The following PRKG1 variants were observed in gnomAD, a reference collection of about 807,000 sequenced individuals.
The protein encoded by PRKG1 is cGMP-dependent protein kinase 1.
A neutral mutation model predicts 88.1 loss-of-function variants in PRKG1; 35 were observed. The observed-to-expected ratio is 0.40, with a 90% CI of 0.30 to 0.53. PRKG1 has a LOEUF of 0.53. PRKG1 is among the 20% of genes least tolerant of loss of function. PRKG1 has a pLI of 0.59. For missense variants in PRKG1, 540 were observed against 839.8 expected, an observed-to-expected ratio of 0.64 and a Z score of 4.41; for synonymous variants, 303 against 292.5, an observed-to-expected ratio of 1.04 and a Z score of -0.37.
rs191160184 is a variant in PRKG1 at position 52,129,460 on chromosome 10, C to A, written c.936-4380C>A. ...ATGAGAGATTAATACATGTCATATA[C>A]TAATGTCAAGGATTAATATATATGT... On this transcript the variant is annotated intron_variant, in intron 7 of 17. Transcript: ENST00000373980. Among the ~76,000 whole-genome samples, 134 of 152,206 alleles carry A rather than the reference C, an allele frequency of 8.8e-4. 1 individual carries two copies. The highest frequency in any genetic ancestry group is 3.2e-3 in the African/African-American group (133 of 41,520).
At chr10:51,632,941 T>A (rs1388386294) in intron 3 of PRKG1, among the ~76,000 whole-genome samples, 1 of 152,196 alleles carries the variant, frequency 6.6e-6, no homozygotes, top group Non-Finnish European at 1.5e-5. Flanking sequence ...CAAACTCTTA[T>A]CAGCCTCTAT....
intron 3 of PRKG1, among the ~76,000 whole-genome samples, chr10:51,628,006 CTCTCTTTCTTTCTTTCTT>C (rs1178344936): frequency 1.9e-5 from 1 of 51,628 alleles, no homozygotes. Context: ...CTCTCTCTCT[CTCTCTTTCTTTCTTTCTT>C]TCTTTCTTTC....
intron 2 of PRKG1, among the ~76,000 whole-genome samples, chr10:51,358,420 A>T (rs754184204): frequency 1.3e-5 from 2 of 151,942 alleles, no homozygotes; most frequent in Non-Finnish European, 2.9e-5. Context: ...CTCAAGTGTC[A>T]AGGAATGACA....
At position 52,205,045 on chromosome 10, in the gene PRKG1, A is replaced by T. The variant is rs6480761; in HGVS notation, c.1076+43082A>T. Among the ~76,000 whole-genome samples, 9 of 151,888 alleles carry T rather than the reference A, an allele frequency of 5.9e-5. No homozygotes were observed. The South Asian group carries it at 1.7e-3, about 28-fold the overall frequency. ...TGCCCTGGGAGTGTCTGCCTTATGC[A>T]GATGTAGATAGGGATGAAACACGCC... is the stretch of plus-strand genomic sequence containing the variant. On this transcript the variant is annotated intron_variant, in intron 9 of 17. Transcript: ENST00000373980.
At chr10:52,166,253 G>A (rs1483575632) in intron 9 of PRKG1, among the ~76,000 whole-genome samples, 1 of 151,946 alleles carries the variant, frequency 6.6e-6, no homozygotes, top group Non-Finnish European at 1.5e-5. Flanking sequence ...TTTACTTATG[G>A]TGAGTCAGGC....
chr10:51,516,223 C>G (rs928999823), intron 3 of PRKG1, among the ~76,000 whole-genome samples: 3 of 152,114 alleles, frequency 2.0e-5, no homozygotes, highest in Non-Finnish European at 2.9e-5. Flanking sequence ...GAAGGTCGCT[C>G]TCCCCTGAAG....
chr10:51,727,475 A>T (rs1479860895), intron 3 of PRKG1, among the ~76,000 whole-genome samples: 2 of 152,116 alleles, frequency 1.3e-5, no homozygotes, highest in Non-Finnish European at 2.9e-5. Flanking sequence ...AGTGAAACCA[A>T]GATTCTATTG....
intron 2 of PRKG1, among the ~76,000 whole-genome samples, chr10:51,335,638 T>C (rs912600375): frequency 6.6e-6 from 1 of 152,174 alleles, no homozygotes; most frequent in Non-Finnish European, 1.5e-5. Context: ...TTCAAGTGAT[T>C]CTCCCGCCCC....
At chr10:51,060,081 A>G (rs1022903225) in intron 1 of PRKG1, among the ~76,000 whole-genome samples, 2 of 152,136 alleles carry the variant, frequency 1.3e-5, no homozygotes, top group African/African-American at 4.8e-5. Context: ...TAACTCTAGT[A>G]ACACTGATGT....
At chr10:52,147,243 CT>C (rs569780880) in intron 8 of PRKG1, among the ~76,000 whole-genome samples, 102 of 152,200 alleles carry the variant, frequency 6.7e-4, no homozygotes, top group African/African-American at 2.4e-3. Flanking sequence ...CAAGTAATAA[CT>C]TACATAGGAA....
chr10:51,402,442 A>G (rs1416592821), intron 2 of PRKG1, among the ~76,000 whole-genome samples: 1 of 152,202 alleles, frequency 6.6e-6, no homozygotes, highest in African/African-American at 2.4e-5. Context: ...CCATAGAAGC[A>G]CCACACTTTT....
At chr10:52,240,124 C>G (rs890561446) in intron 9 of PRKG1, among the ~76,000 whole-genome samples, 3 of 152,142 alleles carry the variant, frequency 2.0e-5, no homozygotes, top group Non-Finnish European at 4.4e-5. Flanking sequence ...TTGTTTCTGT[C>G]ATCTCCTGTA....
chr10:51,505,464 A>G (rs1350220113), intron 3 of PRKG1, among the ~76,000 whole-genome samples: 1 of 152,152 alleles, frequency 6.6e-6, no homozygotes, highest in Non-Finnish European at 1.5e-5. Flanking sequence ...AGGCTTTGGT[A>G]TCAGGATGAT....
At chr10:51,005,904 T>A (rs1842936053) in intron 1 of PRKG1, among the ~76,000 whole-genome samples, 1 of 152,208 alleles carries the variant, frequency 6.6e-6, no homozygotes, top group South Asian at 2.1e-4. Context: ...TGTTCAGTTC[T>A]CAGGAATAAT....
At chr10:51,183,310 A>G (rs918156133) in intron 2 of PRKG1, among the ~76,000 whole-genome samples, 5 of 152,188 alleles carry the variant, frequency 3.3e-5, no homozygotes, top group Admixed American at 3.3e-4. Flanking sequence ...AGTGAAGTGA[A>G]TCATTTTGCT....
intron 4 of PRKG1, among the ~76,000 whole-genome samples, chr10:51,826,534 A>G (rs1839886154): frequency 1.3e-5 from 2 of 152,190 alleles, no homozygotes; most frequent in South Asian, 4.1e-4. Flanking sequence ...TTCCTTCACA[A>G]ATGGATAAAA....
intron 3 of PRKG1, among the ~76,000 whole-genome samples, chr10:51,648,466 A>T (rs192597426): frequency 8.3e-4 from 127 of 152,282 alleles, no homozygotes; most frequent in African/African-American, 2.9e-3. Flanking sequence ...TAGTTCATTT[A>T]ATACAGTAGT....
intron 6 of PRKG1, among the ~76,000 whole-genome samples, chr10:52,058,605 T>C (rs1846164538): frequency 6.6e-6 from 1 of 152,014 alleles, no homozygotes; most frequent in African/African-American, 2.4e-5. Context: ...GAACCATTGG[T>C]AATCCATGGA....
At chr10:51,288,736 A>C (rs964209433) in intron 2 of PRKG1, among the ~76,000 whole-genome samples, 7 of 152,214 alleles carry the variant, frequency 4.6e-5, no homozygotes, top group East Asian at 3.8e-4. Context: ...AAAATGAATA[A>C]TACTACTTAG....
Sources: allele counts gnomAD v4.1 joint callset (sites outside exome capture counted in the v4.1 genomes callset), GRCh38; gene constraint gnomAD v4.1.1; transcripts MANE v1.5; gene names NCBI Gene and HGNC (gene_info 2026-07-23, HGNC 2026-07-21).